The following DOCK1 variants were observed in gnomAD, a reference collection of about 807,000 sequenced individuals.
DOCK1 encodes the protein dedicator of cytokinesis protein 1.
In DOCK1, 138 loss-of-function variants were observed where a neutral mutation model predicts 262.7. The observed-to-expected ratio is 0.53, with a 90% CI of 0.46 to 0.61. The LOEUF (loss-of-function observed/expected upper bound fraction) is 0.61. DOCK1 is among the 20% of genes least tolerant of loss of function. The probability of loss-of-function intolerance (pLI) is 0.00; values close to 1 mark genes in which losing one functional copy is unlikely to be tolerated. For missense variants in DOCK1, 1,908 were observed against 2,370.7 expected, an observed-to-expected ratio of 0.80 and a Z score of 4.05; for synonymous variants, 866 against 867.4, an observed-to-expected ratio of 1.00 and a Z score of 0.03.
intron 2 of DOCK1, among the ~76,000 whole-genome samples, chr10:126,977,309 C>G (rs1591510243): frequency 6.6e-6 from 1 of 152,220 alleles, no homozygotes; most frequent in East Asian, 1.9e-4. Context: ...TCTTTCTGCT[C>G]TCACTATTTT....
chr10:127,207,584 C>T (rs1251697466), intron 27 of DOCK1, among the ~76,000 whole-genome samples: 2 of 152,124 alleles, frequency 1.3e-5, no homozygotes, highest in African/African-American at 4.8e-5. Context: ...TTAGGATTGT[C>T]TTAATAGGCA....
intron 27 of DOCK1, among the ~76,000 whole-genome samples, chr10:127,146,953 A>G (rs1564840352): frequency 6.6e-6 from 1 of 152,180 alleles, no homozygotes; most frequent in African/African-American, 2.4e-5. Context: ...TCTTTTTGCA[A>G]TACACTCGGA....
intron 24 of DOCK1, among the ~76,000 whole-genome samples, chr10:127,108,353 C>T (rs1165328926): frequency 6.6e-6 from 1 of 151,884 alleles, no homozygotes; most frequent in Non-Finnish European, 1.5e-5. Context: ...TTTGGGAGGC[C>T]GAGGGGGACA....
At chr10:127,090,360 A>G (rs538022240) in intron 23 of DOCK1, among the ~76,000 whole-genome samples, 2 of 152,122 alleles carry the variant, frequency 1.3e-5, no homozygotes, top group African/African-American at 4.8e-5. Flanking sequence ...GATCAGTCAC[A>G]TGGTCTGCTG....
chr10:127,031,481 T>C (rs1341238498), intron 16 of DOCK1, among the ~76,000 whole-genome samples, 169 bp from the exon 17 acceptor site: 2 of 152,222 alleles, frequency 1.3e-5, no homozygotes, highest in Admixed American at 6.5e-5. Context: ...GGAGTCTTCT[T>C]ACTTGTAAAC....
At chr10:126,919,286 T>G (rs1303243573) in intron 1 of DOCK1, among the ~76,000 whole-genome samples, 1 of 152,254 alleles carries the variant, frequency 6.6e-6, no homozygotes, top group Non-Finnish European at 1.5e-5. Flanking sequence ...TTATTTTCTT[T>G]AACATAATTG....
chr10:127,311,368 C>T (rs374703463), intron 29 of DOCK1, among the ~76,000 whole-genome samples: 1 of 152,210 alleles, frequency 6.6e-6, no homozygotes, highest in African/African-American at 2.4e-5. Flanking sequence ...AAGGAACATC[C>T]TCCAGGCAGA....
At chr10:127,247,686 G>A (rs2059477950) in intron 27 of DOCK1, among the ~76,000 whole-genome samples, 1 of 152,222 alleles carries the variant, frequency 6.6e-6, no homozygotes, top group Non-Finnish European at 1.5e-5. Context: ...AGCCCTGAGT[G>A]TGAGTGCACC....
chr10:126,961,784 G>C (rs1183367782), intron 1 of DOCK1, among the ~76,000 whole-genome samples: 1 of 152,158 alleles, frequency 6.6e-6, no homozygotes, highest in Non-Finnish European at 1.5e-5. Context: ...TTTGGCTGTT[G>C]TGAATAATGC....
intron 29 of DOCK1, among the ~76,000 whole-genome samples, chr10:127,295,097 G>T (rs1364007838): frequency 6.6e-6 from 1 of 152,170 alleles, no homozygotes; most frequent in Non-Finnish European, 1.5e-5. Flanking sequence ...CCTTCTGTGA[G>T]TCCATTTTGT....
intron 31 of DOCK1, among the ~76,000 whole-genome samples, chr10:127,346,093 G>T (rs1353129127): frequency 6.6e-6 from 1 of 152,212 alleles, no homozygotes; most frequent in Non-Finnish European, 1.5e-5. Context: ...CCGCTATTGG[G>T]TGAAGCTGGG....
At chr10:127,362,765 A>C in intron 33 of DOCK1, among the ~76,000 whole-genome samples, 1 of 148,742 alleles carries the variant, frequency 6.7e-6, no homozygotes. Context: ...AAGTAACAAA[A>C]TCTCCTTCTG....
At chr10:127,130,085 T>C (rs1228877373) in intron 27 of DOCK1, among the ~76,000 whole-genome samples, 2 of 44,778 alleles carry the variant, frequency 4.5e-5, no homozygotes, top group Non-Finnish European at 1.2e-4. Context: ...TTTTTTTTTT[T>C]TTTTTTTTTT....
chr10:127,423,208 TTTTG>T (rs1459373352), intron 46 of DOCK1, among the ~76,000 whole-genome samples: 2 of 152,192 alleles, frequency 1.3e-5, no homozygotes, highest in African/African-American at 4.8e-5. Flanking sequence ...TTTGTTCTCT[TTTTG>T]TTTATTAGTT....
chr10:127,045,081 C>T (rs779108233), intron 21 of DOCK1, among the ~76,000 whole-genome samples: 3 of 151,640 alleles, frequency 2.0e-5, no homozygotes, highest in Non-Finnish European at 4.4e-5. Flanking sequence ...GCCTGTAGTC[C>T]CAGCTACTTG....
chr10:127,090,551 A>C (rs2047458432), intron 23 of DOCK1, among the ~76,000 whole-genome samples: 1 of 152,112 alleles, frequency 6.6e-6, no homozygotes, highest in South Asian at 2.1e-4. Context: ...TCTTAACACG[A>C]ACAATTCAGT....
intron 29 of DOCK1, among the ~76,000 whole-genome samples, chr10:127,315,595 T>A (rs1249258478): frequency 6.6e-6 from 1 of 152,210 alleles, no homozygotes; most frequent in Non-Finnish European, 1.5e-5. Flanking sequence ...CCACTACCTG[T>A]GGCCTTTTGT....
chr10:127,008,112 T>G (rs540909040), intron 10 of DOCK1, among the ~76,000 whole-genome samples: 119 of 152,274 alleles, frequency 7.8e-4, no homozygotes, highest in African/African-American at 2.7e-3. Flanking sequence ...TTTTCTTTTG[T>G]TTTGTGGCAG....
At chr10:127,132,943 C>T (rs1005163318) in intron 27 of DOCK1, among the ~76,000 whole-genome samples, 2 of 152,070 alleles carry the variant, frequency 1.3e-5, no homozygotes, top group Non-Finnish European at 1.5e-5. Context: ...CAGAAGTGGG[C>T]ATAGGGAAGG....
Sources: allele counts gnomAD v4.1 joint callset (sites outside exome capture counted in the v4.1 genomes callset), GRCh38; gene constraint gnomAD v4.1.1; transcripts MANE v1.5; gene names NCBI Gene and HGNC (gene_info 2026-07-23, HGNC 2026-07-21).